Variants in HERC2 observed in about 807,000 individuals in gnomAD.
HERC2 encodes the protein HECT and RLD domain containing E3 ubiquitin protein ligase 2.
A neutral mutation model predicts 537.7 loss-of-function variants in HERC2; 102 were observed. The observed-to-expected ratio is 0.19, with a 90% CI of 0.16 to 0.22. The LOEUF (loss-of-function observed/expected upper bound fraction) is 0.22, where lower values mean the gene tolerates loss of function less well. HERC2 is among the 10% of genes least tolerant of loss of function. The probability of loss-of-function intolerance (pLI) is 1.00; values close to 1 mark genes in which losing one functional copy is unlikely to be tolerated. For missense variants in HERC2, 4,236 were observed against 6,198.2 expected (o/e 0.68, Z 10.63); for synonymous variants, 2,224 against 2,466.2 (o/e 0.90, Z 2.91).
At chr15:28,114,207 G>A (rs1019126104) in intron 90 of HERC2, among the ~76,000 whole-genome samples, 5 of 152,188 alleles carry the variant, frequency 3.3e-5, no homozygotes, top group African/African-American at 9.7e-5. Context: ...CCTGAATCAC[G>A]GCACCCAAAG....
At position 28,167,676 on chromosome 15, in the gene HERC2, C is replaced by T. The variant is rs377301345; in HGVS notation, c.10554+11G>A. On this transcript the variant is annotated intron_variant, in intron 68 of 92. Transcript: ENST00000261609. ...TTCACAATACAAAGTTAAAGAAGAA[C>T]GCCTCTTCACCTCTTTGGTTTTGGT... 110 of 1,613,546 alleles carry T rather than the reference C, an allele frequency of 6.8e-5. No individual in the cohort carries two copies. The highest frequency in any genetic ancestry group is 7.0e-5 in the Non-Finnish European group (82 of 1,179,796).
At position 28,202,457 on chromosome 15, in the gene HERC2, G is replaced by C; in HGVS notation, c.7370C>G (p.Pro2457Arg). The change falls in exon 46 of 93, where the codon CCC (proline) becomes CGC (arginine). Residue 2457 changes from proline to arginine, a missense_variant. This residue lies in a region of HERC2 where 35 missense variants were observed against 68.7 expected (regional missense o/e 0.51). Coordinates refer to ENST00000261609, the MANE Select transcript of HERC2 (RefSeq NM_004667.6). ...GAGCTGCACCACGATCGGCAGAGCG[G>C]GAACGGGCGACTGCTTGCGCCTCTT... The part of the protein sequence containing the change: ...RVKRRKQSPV[P>R]ALPIVVQLME... The C allele has an allele frequency of 6.5e-7, 1 of 1,530,456 alleles. No homozygotes were observed. Among genetic ancestry groups the C allele is most frequent in the South Asian group, 1.1e-5 (1 of 87,248 alleles). 94.8% of individuals were successfully genotyped at this position (1,530,456 alleles called of 1,614,324 possible).
chr15:28,225,728 A>C (rs562186548), intron 35 of HERC2, among the ~76,000 whole-genome samples: 112 of 151,764 alleles, frequency 7.4e-4, no homozygotes, highest in African/African-American at 2.6e-3. Context: ...AAGAAAAAAA[A>C]GAAGATGCAA....
At chr15:28,296,984 A>G (rs1342693778) in intron 3 of HERC2, among the ~76,000 whole-genome samples, 1 of 152,204 alleles carries the variant, frequency 6.6e-6, no homozygotes, top group Non-Finnish European at 1.5e-5. Context: ...TCAGTATTAC[A>G]GGTGTTTGTA....
In HERC2 at chr15:28,123,730, AACAAAGGCTTAGTTTATGAAGGCCCC is replaced by A. The variant is rs1187980353; in HGVS notation, c.13188+281_13188+306del. On this transcript the variant is annotated intron_variant, in intron 85 of 92. Transcript: ENST00000261609. ...CAGGCAGGCAGAGAAGGACCGCAGGAACAAAGGCTTAGTTTATGAAGGCCCCACCTCATCCTTCTGGAGCAGTGAGA... is the reference window on the plus strand; with the variant it reads ...CAGGCAGGCAGAGAAGGACCGCAGGAACCTCATCCTTCTGGAGCAGTGAGA... Among the ~76,000 whole-genome samples, 21 of 152,340 alleles carry A rather than the reference AACAAAGGCTTAGTTTATGAAGGCCCC, an allele frequency of 1.4e-4. 1 individual carries two copies. The East Asian group carries it at 4.1e-3, about 29-fold the overall frequency.
At chr15:28,167,068 G>T (rs1338936199) in intron 68 of HERC2, among the ~76,000 whole-genome samples, 2 of 152,148 alleles carry the variant, frequency 1.3e-5, no homozygotes, top group Non-Finnish European at 2.9e-5. Flanking sequence ...CAGTAATAAT[G>T]GATTCAGCTA....
At chr15:28,151,286 A>G (rs1892422860) in intron 70 of HERC2, among the ~76,000 whole-genome samples, 1 of 152,148 alleles carries the variant, frequency 6.6e-6, no homozygotes, top group Admixed American at 6.6e-5. Flanking sequence ...TACAGACCCC[A>G]TACTTTTGAA....
intron 2 of HERC2, among the ~76,000 whole-genome samples, chr15:28,313,192 A>ATTTT (rs57465951): frequency 1.2e-4 from 11 of 95,120 alleles, no homozygotes; most frequent in African/African-American, 3.2e-4. Flanking sequence ...CAGTTAAGGC[A>ATTTT]TTTTTTTTTT....
At chr15:28,215,943 T>A in intron 38 of HERC2, 141 bp from the exon 39 acceptor site, 1 of 612,900 alleles carries the variant, frequency 1.6e-6, no homozygotes, top group South Asian at 2.3e-5. Context: ...GTAAATTAAT[T>A]CAAACTAATT....
At chr15:28,285,622 G>A (rs1428516850) in intron 4 of HERC2, among the ~76,000 whole-genome samples, 5 of 150,960 alleles carry the variant, frequency 3.3e-5, no homozygotes, top group African/African-American at 9.7e-5. Flanking sequence ...ATAAGTGCCC[G>A]CCTCGACAAC....
At chr15:28,162,514 T>C (rs1893706788) in intron 69 of HERC2, among the ~76,000 whole-genome samples, 1 of 151,436 alleles carries the variant, frequency 6.6e-6, no homozygotes, top group Non-Finnish European at 1.5e-5. Context: ...TAAACTGGGG[T>C]GGAAACTGTA....
intron 20 of HERC2, 95 bp downstream of exon 20, chr15:28,254,245 A>G: frequency 1.2e-6 from 1 of 825,388 alleles, no homozygotes; most frequent in Non-Finnish European, 1.9e-6. Context: ...ATGGCGCCAT[A>G]GCACTCCGGC....
In HERC2 at chr15:28,265,246, T is replaced by C. The variant is rs899554816; in HGVS notation, c.1870+372A>G. ...CAAAATTCAAAGCAAGCAGATACCGTAGCATCAGACTACAGAACACAGAAA... is the reference window on the plus strand; with the variant it reads ...CAAAATTCAAAGCAAGCAGATACCGCAGCATCAGACTACAGAACACAGAAA... On this transcript the variant is annotated intron_variant, in intron 14 of 92. Transcript: ENST00000261609. This position sits in a 1 kb window ranked among gnomAD's most constrained non-coding sequence, Gnocchi z 4.0. Among the ~76,000 whole-genome samples, 1 of 152,104 alleles carries C rather than the reference T, an allele frequency of 6.6e-6. No homozygotes were observed. The highest frequency in any genetic ancestry group is 2.4e-5 in the African/African-American group (1 of 41,404).
chr15:28,304,282 T>C lies in HERC2; in HGVS notation c.73-4766A>G, dbSNP rs192877053. Among the ~76,000 whole-genome samples the C allele has an allele frequency of 1.5e-3, 222 of 152,046 alleles. 1 individual carries two copies. The highest frequency in any genetic ancestry group is 3.8e-3 in the Admixed American group (58 of 15,260). Reference sequence around the variant, plus strand: ...TTCTAATCATTTTTTGGTGGAGTTTTCAGGTTTTTCCAAATATAACAATCA... The same window carrying C: ...TTCTAATCATTTTTTGGTGGAGTTTCCAGGTTTTTCCAAATATAACAATCA... On this transcript the variant is annotated intron_variant, in intron 2 of 92. Coordinates refer to ENST00000261609, the MANE Select transcript of HERC2 (RefSeq NM_004667.6).
intron 56 of HERC2, among the ~76,000 whole-genome samples, chr15:28,182,804 ACCAACGTG>A (rs1435593806): frequency 6.6e-6 from 1 of 152,160 alleles, no homozygotes; most frequent in African/African-American, 2.4e-5. Context: ...CATCTTAAAT[ACCAACGTG>A]AACATGGGTG....
intron 43 of HERC2, among the ~76,000 whole-genome samples, 194 bp downstream of exon 43, chr15:28,212,251 G>T (rs947261281): frequency 1.2e-4 from 18 of 152,214 alleles, no homozygotes; most frequent in Non-Finnish European, 1.0e-4. Context: ...TCCGAACATG[G>T]CGACAAAAGC....
intron 83 of HERC2, 100 bp from the exon 84 acceptor site, chr15:28,125,293 C>T (rs1337202852): frequency 3.2e-6 from 3 of 949,986 alleles, no homozygotes; most frequent in East Asian, 2.4e-5. Context: ...CGCTCCCTGC[C>T]CTTCAGCTGG....
rs201423371 is a variant in HERC2 at position 28,144,826 on chromosome 15, C to G, written c.11009-22G>C. Reference sequence around the variant, plus strand: ...CGGCCTGCGGGAGGAAAGCGCACCCCGGGGTTAGCTTCACTCCATCATCCA... The same window carrying G: ...CGGCCTGCGGGAGGAAAGCGCACCCGGGGGTTAGCTTCACTCCATCATCCA... On this transcript the variant is annotated intron_variant, in intron 71 of 92. Coordinates refer to ENST00000261609, the MANE Select transcript of HERC2 (RefSeq NM_004667.6). The G allele has an allele frequency of 8.1e-6, 13 of 1,613,858 alleles. No individual in the cohort carries two copies. The African/African-American group carries it at 9.3e-5, about 12-fold the overall frequency.
intron 69 of HERC2, among the ~76,000 whole-genome samples, 196 bp downstream of exon 69, chr15:28,162,891 AAAAAAAC>A (rs1350822580): frequency 2.6e-5 from 4 of 152,208 alleles, no homozygotes; most frequent in Admixed American, 2.6e-4. Context: ...ACTCCGTCTC[AAAAAAAC>A]AAAAAACAGG....
Sources: allele counts gnomAD v4.1 joint callset (sites outside exome capture counted in the v4.1 genomes callset), GRCh38; gene constraint gnomAD v4.1.1; regional missense constraint gnomAD v4.1.1; non-coding constraint Gnocchi (gnomAD v3.1); transcripts MANE v1.5; gene names NCBI Gene and HGNC (gene_info 2026-07-23, HGNC 2026-07-21).